Variants in EIF2B4 observed in about 807,000 individuals in gnomAD.
EIF2B4 encodes the protein translation initiation factor eIF2B subunit delta.
EIF2B4 carries 34 observed loss-of-function variants against 66.7 expected under a neutral mutation model. That is an observed-to-expected ratio of 0.51 (90% CI 0.39 to 0.68). The LOEUF (loss-of-function observed/expected upper bound fraction) is 0.68, where lower values mean the gene tolerates loss of function less well. EIF2B4 is among the 30% of genes least tolerant of loss of function. The pLI is 0.00. For missense variants in EIF2B4, 618 were observed against 657.9 expected, an observed-to-expected ratio of 0.94 and a Z score of 0.66; for synonymous variants, 278 against 253.6, an observed-to-expected ratio of 1.10 and a Z score of -0.92.
In EIF2B4 at chr2:27,366,818, G is replaced by A. The variant is rs1192691914; in HGVS notation, c.1132C>T (p.His378Tyr). ...EGRHTLRSLV[H>Y]AGVPASYLLI... ...AGGTAGGAGGCTGGGACACCAGCAT[G>A]GACTAGAGAACGTAGTGTGTGCCTT... Residue 378 changes from histidine (H) to tyrosine (Y), a missense_variant, in exon 11 of 13, where the codon CAT becomes TAT. His to Tyr is a moderately conservative substitution (Grantham distance 83). Transcript: ENST00000347454. 6.2e-7 allele frequency: 1 copy of A among 1,614,232 alleles called. No homozygotes were observed. Among genetic ancestry groups the A allele is most frequent in the South Asian group, 1.1e-5 (1 of 91,086 alleles).
Position 27,368,310 on chromosome 2 carries a change from T to A in EIF2B4, c.590+62A>T. On this transcript the variant is annotated intron_variant, in intron 6 of 12. Coordinates refer to ENST00000347454, the MANE Select transcript of EIF2B4 (RefSeq NM_001034116.2). ...GTCCATCTCAGATTACTAGAAACTT[T>A]CAATACTGACTTACTAAAACTCCTC... 4 of 1,489,572 alleles carry A rather than the reference T, an allele frequency of 2.7e-6. No homozygotes were observed. The South Asian group carries it at 3.4e-5, about 13-fold the overall frequency. The allele number at this position is 1,489,572 out of a possible 1,614,324, so 92.3% of individuals were successfully genotyped here. A position where few individuals can be genotyped will look rare whatever the true frequency, so the allele number is the denominator to read the frequency against.
chr2:27,367,324 C>A, intron 9 of EIF2B4, 123 bp from the exon 10 acceptor site: 2 of 1,576,424 alleles, frequency 1.3e-6, no homozygotes, highest in Admixed American at 1.7e-5. Context: ...TGGCACAAGT[C>A]AGAATGGCCA....
chr2:27,369,748 A>T, intron 2 of EIF2B4, 128 bp downstream of exon 2: 2 of 1,438,152 alleles, frequency 1.4e-6, no homozygotes, highest in Non-Finnish European at 1.9e-6. Context: ...GGGTTGCAAG[A>T]CCTCTGTAAA....
At position 27,368,442 on chromosome 2, in the gene EIF2B4, C is replaced by G; in HGVS notation, c.520G>C (p.Gly174Arg). ...RQQVPTRKDY[G>R]SKVSLFSHLP... is the part of the protein sequence containing the mutation. ...TGAGAGAAGAGACTGACTTTGGATC[C>G]ATAATCCTTTCGTGTAGGAACCTTG... The change falls in exon 6 of 13, where the codon GGA (glycine) becomes CGA (arginine). Residue 174 changes from glycine to arginine, a missense_variant. Around this residue, in one of 4 missense-constraint regions of EIF2B4, gnomAD observed 506 missense variants for 511.9 expected, o/e 0.99. Coordinates refer to ENST00000347454, the MANE Select transcript of EIF2B4 (RefSeq NM_001034116.2). 6.2e-7 allele frequency: 1 copy of G among 1,614,080 alleles called. No homozygotes were observed.
chr2:27,366,215 G>GGGGT (rs1356996835), intron 11 of EIF2B4: 1 of 102,516 alleles, frequency 9.8e-6, no homozygotes. Flanking sequence ...GGTGGGGTGG[G>GGGGT]GTGTGTGTGT....
chr2:27,368,941 A>G, intron 4 of EIF2B4, 65 bp downstream of exon 4: 1 of 1,596,886 alleles, frequency 6.3e-7, no homozygotes, highest in Non-Finnish European at 8.6e-7. Flanking sequence ...CTGTTTTACT[A>G]TTGGGCAGCC....
chr2:27,366,654 T>C, intron 11 of EIF2B4, 105 bp downstream of exon 11: 1 of 1,404,490 alleles, frequency 7.1e-7, no homozygotes, highest in South Asian at 1.2e-5. Flanking sequence ...ACTCCATCCT[T>C]ATCTCAAAAC....
chr2:27,367,158 T>C lies in EIF2B4; in HGVS notation c.929A>G (p.Glu310Gly). The change falls in exon 10 of 13, where the codon GAG becomes GGG. Residue 310 changes from glutamate to glycine, a missense_variant. Glu to Gly is a moderately conservative substitution (Grantham distance 98). Transcript: ENST00000347454. ...LRAAIDRYVQ[E>G]KIVLAAQAIS... The stretch of plus-strand genomic sequence containing the variant: ...TGCCTGAGCTGCTAGCACAATCTTC[T>C]CTTGCACATACCGATCAATGGCTGC... 1 of 1,614,238 alleles carries C rather than the reference T, an allele frequency of 6.2e-7. No individual in the cohort carries two copies.
Position 27,369,187 on chromosome 2 carries a change from T to C in EIF2B4, c.237A>G (p.Glu79=). 1 of 1,612,822 alleles carries C rather than the reference T, an allele frequency of 6.2e-7. No homozygotes were observed. The highest frequency in any genetic ancestry group is 1.3e-5 in the African/African-American group (1 of 75,000). The change falls in exon 4 of 13, where the codon GAA becomes GAG. Residue 79 remains glutamate, a synonymous_variant. Transcript: ENST00000347454. ...CQVGPTRELP[E]SGIQLGTPRE... is the part of the protein sequence containing the mutation. ...GAGGAGTGCCCAACTGAATGCCCGA[T>C]TCTGGCAGTTCTCTGGTTGGGCCTA...
At chr2:27,369,713 C>G in intron 2 of EIF2B4, 163 bp downstream of exon 2, 1 of 1,472,496 alleles carries the variant, frequency 6.8e-7, no homozygotes, top group Non-Finnish European at 9.4e-7. Flanking sequence ...CGTTTCTCCT[C>G]CAGGGACAGA....
chr2:27,364,376 T>C lies in EIF2B4; in HGVS notation c.*24A>G. 6.2e-7 allele frequency: 1 copy of C among 1,612,210 alleles called. No homozygotes were observed. The highest frequency in any genetic ancestry group is 8.5e-7 in the Non-Finnish European group (1 of 1,178,964). ...GTTGCTGAGGGTAGGGAGTATGGCA[T>C]TTATTAACCCTGTGTTTCCCCCGTC... On this transcript the variant is annotated 3_prime_UTR_variant, in exon 13 of 13. Coordinates refer to ENST00000347454, the MANE Select transcript of EIF2B4 (RefSeq NM_001034116.2).
intron 7 of EIF2B4, 33 bp from the exon 8 acceptor site, chr2:27,367,855 C>A: frequency 1.9e-6 from 3 of 1,597,850 alleles, no homozygotes; most frequent in South Asian, 1.1e-5. Flanking sequence ...TGCAAAATAC[C>A]CCTTAATAAA....
Position 27,366,946 on chromosome 2 carries a change from A to G in EIF2B4, c.1014-10T>C, listed in dbSNP as rs369084409. On this transcript the variant is annotated splice_polypyrimidine_tract_variant and intron_variant, in intron 10 of 12. Coordinates refer to ENST00000347454, the MANE Select transcript of EIF2B4 (RefSeq NM_001034116.2). ...TGATACCAGAGATGAGCTAGAGTGAATGAAGAGGAGGATTCAGTTATAAAT... is the reference window on the plus strand; with the variant it reads ...TGATACCAGAGATGAGCTAGAGTGAGTGAAGAGGAGGATTCAGTTATAAAT... 1 of 1,614,204 alleles carries G rather than the reference A, an allele frequency of 6.2e-7. No homozygotes were observed. Among genetic ancestry groups the G allele is most frequent in the Non-Finnish European group, 8.5e-7 (1 of 1,180,040 alleles).
At chr2:27,370,026 G>T (rs1166262055) in intron 1 of EIF2B4, 107 bp from the exon 2 acceptor site, 1 of 1,515,088 alleles carries the variant, frequency 6.6e-7, no homozygotes, top group Non-Finnish European at 8.9e-7. Flanking sequence ...CCACGGATCC[G>T]CCGGCAGGCG....
In EIF2B4 at chr2:27,369,162, G is replaced by C. The variant is rs774760656; in HGVS notation, c.262C>G (p.Arg88Gly). 13 of 1,613,288 alleles carry C rather than the reference G, an allele frequency of 8.1e-6. No individual in the cohort carries two copies. In the South Asian group the frequency reaches 1.3e-4, roughly 16 times the overall value. Reference protein sequence around the residue: ...PESGIQLGTPREKVPAGRSKA... With the variant: ...PESGIQLGTPGEKVPAGRSKA... ...CTCCGACCAGCTGGAACTTTCTCCC[G>C]AGGAGTGCCCAACTGAATGCCCGAT... The change falls in exon 4 of 13, where the codon CGG becomes GGG. Residue 88 changes from arginine (R) to glycine (G), a missense_variant. Around this residue, in one of 4 missense-constraint regions of EIF2B4, gnomAD observed 506 missense variants for 511.9 expected, o/e 0.99. Transcript: ENST00000347454.
chr2:27,365,006 A>ATTTATT, intron 11 of EIF2B4, 108 bp from the exon 12 acceptor site: 1 of 1,079,614 alleles, frequency 9.3e-7, no homozygotes, highest in South Asian at 1.4e-5. Context: ...AAATCTCAAC[A>ATTTATT]CCTGTGAAAA....
At position 27,364,765 on chromosome 2, in the gene EIF2B4, TTGTA is replaced by T; in HGVS notation, c.1321_1324del (p.Tyr441SerfsTer16). On this transcript the variant is annotated frameshift_variant, in exon 12 of 13. Transcript: ENST00000347454. LOFTEE classifies it high-confidence loss of function. ...ATCAGTCTGCACACGCTCACAGAAC[TTGTA>T]TGTTTCACAGCAAACCAGCACTGGT... 1 of 1,614,190 alleles carries T rather than the reference TTGTA, an allele frequency of 6.2e-7. No homozygotes were observed. Among genetic ancestry groups the T allele is most frequent in the Non-Finnish European group, 8.5e-7 (1 of 1,180,038 alleles).
In EIF2B4 at chr2:27,367,969, G is replaced by A. The variant is rs577067377; in HGVS notation, c.705+56C>T. 2.7e-6 allele frequency: 4 copies of A among 1,506,972 alleles called. No individual in the cohort carries two copies. The African/African-American group carries it at 5.5e-5, about 21-fold the overall frequency. 93.4% of individuals were successfully genotyped at this position (1,506,972 alleles called of 1,614,324 possible). The stretch of plus-strand genomic sequence containing the variant: ...AGATGACCTTGGGTGACAGAAGCTG[G>A]GGTAGTATTGGGGGAGGTGGGGTTG... On this transcript the variant is annotated intron_variant, in intron 7 of 12. Transcript: ENST00000347454.
At chr2:27,367,970 G>A in intron 7 of EIF2B4, 55 bp downstream of exon 7, 1 of 1,508,952 alleles carries the variant, frequency 6.6e-7, no homozygotes, top group Non-Finnish European at 9.1e-7. Context: ...CAGAAGCTGG[G>A]GTAGTATTGG....
Sources: gnomAD v4.1 joint callset for allele counts on GRCh38, gnomAD v4.1.1 for gene constraint, gnomAD v4.1.1 regional missense constraint, MANE v1.5 for transcripts, NCBI Gene and HGNC (gene_info 2026-07-23, HGNC 2026-07-21) for gene names.